PLCB1: variants seen among roughly 807,000 people sequenced by gnomAD.
PLCB1 encodes phospholipase C beta 1.
A neutral mutation model predicts 161.8 loss-of-function variants in PLCB1; 46 were observed. That is an observed-to-expected ratio of 0.28 (90% CI 0.22 to 0.36). The LOEUF (loss-of-function observed/expected upper bound fraction) is 0.36, where lower values mean the gene tolerates loss of function less well. Ranked by LOEUF, PLCB1 falls within the 10% of genes least tolerant of loss-of-function variation. The probability of loss-of-function intolerance (pLI) is 1.00; values close to 1 mark genes in which losing one functional copy is unlikely to be tolerated. For missense variants in PLCB1, 1,016 were observed against 1,472.5 expected, an observed-to-expected ratio of 0.69 and a Z score of 5.07; for synonymous variants, 517 against 503.7, an observed-to-expected ratio of 1.03 and a Z score of -0.35.
chr20:8,452,750 T>C (rs1159971558), intron 3 of PLCB1, among the ~76,000 whole-genome samples: 1 of 152,216 alleles, frequency 6.6e-6, no homozygotes, highest in Non-Finnish European at 1.5e-5. Flanking sequence ...TTTGGGATTT[T>C]GAAGGATGAA....
intron 1 of PLCB1, among the ~76,000 whole-genome samples, chr20:8,146,514 A>C (rs1306934688): frequency 6.6e-6 from 1 of 152,190 alleles, no homozygotes; most frequent in African/African-American, 2.4e-5. Flanking sequence ...TTTTTATAAA[A>C]AGGTATACTG....
chr20:8,148,464 A>G (rs78421654), intron 1 of PLCB1, among the ~76,000 whole-genome samples: 224 of 152,314 alleles, frequency 1.5e-3, no homozygotes, highest in Non-Finnish European at 2.6e-3. Flanking sequence ...CATGTTAAGG[A>G]TGTATATATG....
At chr20:8,668,113 A>G (rs1048184770) in intron 9 of PLCB1, among the ~76,000 whole-genome samples, 3 of 151,998 alleles carry the variant, frequency 2.0e-5, no homozygotes, top group African/African-American at 7.3e-5. Flanking sequence ...GATACAACAG[A>G]TAAGTGGGAG....
chr20:8,839,461 T>A (rs1034934003), intron 31 of PLCB1, among the ~76,000 whole-genome samples: 1 of 152,190 alleles, frequency 6.6e-6, no homozygotes, highest in Admixed American at 6.5e-5. Context: ...TGCAAGCAGC[T>A]CTGTCACTTG....
chr20:8,358,567 ATCTTGCTTCCT>A, intron 2 of PLCB1, among the ~76,000 whole-genome samples: 1 of 151,828 alleles, frequency 6.6e-6, no homozygotes, highest in Non-Finnish European at 1.5e-5. Flanking sequence ...ACCCTGCCCC[ATCTTGCTTCCT>A]TCCTCCTCTC....
chr20:8,880,856 C>CTTTTTTTTTTTTTTTTTTTTTTTTT (rs753470997), intron 31 of PLCB1: 1 of 107,586 alleles, frequency 9.3e-6, no homozygotes, highest in Non-Finnish European at 1.8e-5. Flanking sequence ...TTCTTTCTTT[C>CTTTTTTTTTTTTTTTTTTTTTTTTT]TTTCTTTTTT....
intron 2 of PLCB1, among the ~76,000 whole-genome samples, chr20:8,242,723 T>C (rs1232422457): frequency 2.0e-5 from 3 of 151,910 alleles, no homozygotes; most frequent in Non-Finnish European, 4.4e-5. Flanking sequence ...GCAGGATTTA[T>C]TGACTGGTTA....
chr20:8,132,765 G>T lies in PLCB1; in HGVS notation c.99+15G>T. The stretch of plus-strand genomic sequence containing the variant: ...AGTGGGATGATGTAAGTATTGGGGC[G>T]GCCCGAGTCGGGGCGCTGGCTCGGG... On this transcript the variant is annotated intron_variant, in intron 1 of 31. Coordinates refer to ENST00000338037, the MANE Select transcript of PLCB1 (RefSeq NM_015192.4). The surrounding 1 kb of genome is among the most constrained non-coding windows in gnomAD (Gnocchi z 5.2). 1 of 1,581,726 alleles carries T rather than the reference G, an allele frequency of 6.3e-7. No individual in the cohort carries two copies. The highest frequency in any genetic ancestry group is 8.7e-7 in the Non-Finnish European group (1 of 1,152,436).
chr20:8,795,031 A>G (rs1355506531), intron 31 of PLCB1, among the ~76,000 whole-genome samples: 2 of 152,212 alleles, frequency 1.3e-5, no homozygotes, highest in Admixed American at 1.3e-4. Flanking sequence ...AATAGCAGTC[A>G]TAGGAGAATA....
chr20:8,184,948 C>G (rs938124891), intron 2 of PLCB1, among the ~76,000 whole-genome samples: 1 of 151,942 alleles, frequency 6.6e-6, no homozygotes, highest in African/African-American at 2.4e-5. Flanking sequence ...CCTAGCCCCC[C>G]ACTCCCCAAC....
intron 3 of PLCB1, among the ~76,000 whole-genome samples, chr20:8,455,322 C>A (rs1411633483): frequency 8.0e-6 from 1 of 124,830 alleles, no homozygotes; most frequent in Non-Finnish European, 1.7e-5. Context: ...GGGAGAAACT[C>A]CATCACAAAA....
chr20:8,759,691 G>A (rs1981914495), intron 24 of PLCB1, among the ~76,000 whole-genome samples: 1 of 151,894 alleles, frequency 6.6e-6, no homozygotes, highest in African/African-American at 2.4e-5. Context: ...GTAGAGACGG[G>A]GTTTCGCCAT....
At chr20:8,385,645 G>C (rs554232689) in intron 3 of PLCB1, among the ~76,000 whole-genome samples, 9 of 152,214 alleles carry the variant, frequency 5.9e-5, no homozygotes, top group Non-Finnish European at 1.0e-4. Context: ...CCCCAGTGGC[G>C]TGGGTTCACG....
At chr20:8,195,340 A>T (rs2052010317) in intron 2 of PLCB1, among the ~76,000 whole-genome samples, 1 of 152,032 alleles carries the variant, frequency 6.6e-6, no homozygotes, top group Non-Finnish European at 1.5e-5. Context: ...ATTTGGGGCC[A>T]CTGAGGGGTG....
chr20:8,746,035 G>A lies in PLCB1; in HGVS notation c.2523+4462G>A, dbSNP rs575397742. Among the ~76,000 whole-genome samples the A allele has an allele frequency of 7.2e-5, 11 of 152,186 alleles. No individual in the cohort carries two copies. The South Asian group carries it at 1.5e-3, about 20-fold the overall frequency. On this transcript the variant is annotated intron_variant, in intron 23 of 31. Coordinates refer to ENST00000338037, the MANE Select transcript of PLCB1 (RefSeq NM_015192.4). ...CAGCCTCGGCCTCCCGGGTTCAAGC[G>A]ATTCTCCTGCCTCAGCCACCCAAGT...
chr20:8,233,389 T>C (rs1172913485), intron 2 of PLCB1, among the ~76,000 whole-genome samples: 2 of 152,272 alleles, frequency 1.3e-5, no homozygotes, highest in Admixed American at 6.5e-5. Context: ...CAGTGTACTG[T>C]GTGCCAGGCA....
chr20:8,543,620 C>CAAAAA (rs60587265), intron 3 of PLCB1, among the ~76,000 whole-genome samples: 5 of 129,574 alleles, frequency 3.9e-5, no homozygotes, highest in South Asian at 2.5e-4. Context: ...CAAAGAGTTC[C>CAAAAA]AAAAAAAAAA....
intron 2 of PLCB1, among the ~76,000 whole-genome samples, chr20:8,264,703 A>G (rs1008260118): frequency 1.3e-5 from 2 of 152,032 alleles, no homozygotes; most frequent in Non-Finnish European, 2.9e-5. Flanking sequence ...CTGAAATGTC[A>G]TTATGGGGCA....
At chr20:8,609,837 C>T (rs1260821183) in intron 3 of PLCB1, among the ~76,000 whole-genome samples, 1 of 152,076 alleles carries the variant, frequency 6.6e-6, no homozygotes, top group Non-Finnish European at 1.5e-5. Flanking sequence ...TCTGAAGCAA[C>T]TTTTTTGAAA....
Sources: gnomAD v4.1 joint callset for allele counts (sites outside exome capture counted in the v4.1 genomes callset) on GRCh38, gnomAD v4.1.1 for gene constraint, Gnocchi (gnomAD v3.1) non-coding constraint, MANE v1.5 for transcripts, NCBI Gene and HGNC (gene_info 2026-07-23, HGNC 2026-07-21) for gene names.